SPPL3: variants seen among roughly 807,000 people sequenced by gnomAD.
SPPL3 encodes signal peptide peptidase-like 3.
SPPL3 carries 5 observed loss-of-function variants against 42.4 expected under a neutral mutation model. The observed-to-expected ratio is 0.12, with a 90% confidence interval of 0.06 to 0.25. The LOEUF (loss-of-function observed/expected upper bound fraction) is 0.25. Among genes scored for constraint, SPPL3 ranks in the 10% least tolerant of loss-of-function variants. The pLI is 1.00. For missense variants in SPPL3, 235 were observed against 489.0 expected, an observed-to-expected ratio of 0.48 and a Z score of 4.90; for synonymous variants, 195 against 181.8, an observed-to-expected ratio of 1.07 and a Z score of -0.58.
In SPPL3 at chr12:120,774,818, C is replaced by T. The variant is rs56339118; in HGVS notation, c.503-5759G>A. ...GGGAGGTGCTCTCTTTCCCTTGCGG[C>T]TTTAGACACTCCTGAGACTCTCTCT... On this transcript the variant is annotated intron_variant, in intron 6 of 10. Transcript: ENST00000353487. Among the ~76,000 whole-genome samples, 987 of 152,204 alleles carry T rather than the reference C, an allele frequency of 6.5e-3. 7 individuals are homozygous for T. The highest frequency in any genetic ancestry group is 0.012 in the Admixed American group (190 of 15,274).
At chr12:120,781,803 TG>T (rs1366403530) in intron 6 of SPPL3, among the ~76,000 whole-genome samples, 1 of 151,812 alleles carries the variant, frequency 6.6e-6, no homozygotes, top group Non-Finnish European at 1.5e-5. Flanking sequence ...TTAGCCAGGA[TG>T]GTCTTGATCT....
intron 2 of SPPL3, among the ~76,000 whole-genome samples, chr12:120,797,015 C>A (rs1438938224): frequency 6.6e-6 from 1 of 152,056 alleles, no homozygotes; most frequent in Non-Finnish European, 1.5e-5. Context: ...ACCAAAAATA[C>A]AAAAATTAGC....
At chr12:120,771,014 CTT>C (rs1292813686) in intron 6 of SPPL3, among the ~76,000 whole-genome samples, 1 of 152,094 alleles carries the variant, frequency 6.6e-6, no homozygotes, top group Non-Finnish European at 1.5e-5. Flanking sequence ...ACCCGTCTCT[CTT>C]TTACACCCTG....
At chr12:120,808,339 G>A (rs985670080) in intron 2 of SPPL3, among the ~76,000 whole-genome samples, 2 of 152,118 alleles carry the variant, frequency 1.3e-5, no homozygotes, top group African/African-American at 4.8e-5. Flanking sequence ...GCCTCCCAAA[G>A]TGCTGGGATT....
chr12:120,788,021 T>A (rs542706116), intron 3 of SPPL3, among the ~76,000 whole-genome samples: 4 of 152,308 alleles, frequency 2.6e-5, no homozygotes, highest in South Asian at 4.1e-4. Context: ...GCTGGATATA[T>A]AACTAGGAGT....
chr12:120,826,653 TAAG>T (rs1871239362), intron 1 of SPPL3, among the ~76,000 whole-genome samples: 1 of 152,144 alleles, frequency 6.6e-6, no homozygotes, highest in African/African-American at 2.4e-5. Context: ...GCCTTAGCAA[TAAG>T]AAGAATATTT....
At chr12:120,880,028 G>A (rs1420918356) in intron 1 of SPPL3, among the ~76,000 whole-genome samples, 1 of 138,118 alleles carries the variant, frequency 7.2e-6, no homozygotes, top group Non-Finnish European at 1.6e-5. Flanking sequence ...AATCCTACTT[G>A]ATTTTCTTTT....
chr12:120,782,714 G>C lies in SPPL3; in HGVS notation c.443C>G (p.Ser148Cys), dbSNP rs1312858684. Reference protein sequence around the residue: ...RFTAAELLSFSLSVMLVLIWV... With the variant: ...RFTAAELLSFCLSVMLVLIWV... The stretch of plus-strand genomic sequence containing the variant: ...GATGAGGACGAGCATGACAGACAGA[G>C]AGAATGACAGCAACTCAGCAGCAGT... Residue 148 changes from serine (S) to cysteine (C), a missense_variant, in exon 6 of 11, where the codon TCT (serine) becomes TGT (cysteine). Physicochemically the swap from Ser to Cys is moderately radical, Grantham distance 112. Transcript: ENST00000353487. 3.1e-6 allele frequency: 5 copies of C among 1,611,126 alleles called. No individual in the cohort carries two copies. Among genetic ancestry groups the C allele is most frequent in the Middle Eastern group, 1.6e-4 (1 of 6,080 alleles).
In SPPL3 at chr12:120,763,818, T is replaced by TTTTG. The variant is rs1408151282; in HGVS notation, c.*1180_*1181insCAAA. ...TGTGTTGCTTTTTTCCTTTTTTTTT[T>TTTTG]TCTTAAAGGAGTGAGGGCATGGAAA... On this transcript the variant is annotated 3_prime_UTR_variant, in exon 11 of 11. Transcript: ENST00000353487. 1 of 150,878 alleles carries TTTTG rather than the reference T, an allele frequency of 6.6e-6. No individual in the cohort carries two copies. Among genetic ancestry groups the TTTTG allele is most frequent in the Non-Finnish European group, 1.5e-5 (1 of 67,636 alleles). 9.3% of individuals were successfully genotyped at this position (150,878 alleles called of 1,614,324 possible).
intron 1 of SPPL3, among the ~76,000 whole-genome samples, chr12:120,819,410 AG>A (rs1271913311): frequency 1.3e-5 from 2 of 152,186 alleles, no homozygotes; most frequent in Non-Finnish European, 2.9e-5. Context: ...TCATATTGTT[AG>A]TACCATTCTT....
intron 1 of SPPL3, among the ~76,000 whole-genome samples, chr12:120,855,704 A>AG (rs1566061835): frequency 6.9e-6 from 1 of 145,456 alleles, no homozygotes; most frequent in Non-Finnish European, 1.5e-5. Context: ...CAAAAAAAAA[A>AG]AAGAAAAGAA....
At chr12:120,875,708 A>G (rs1461309615) in intron 1 of SPPL3, among the ~76,000 whole-genome samples, 3 of 149,548 alleles carry the variant, frequency 2.0e-5, no homozygotes. Context: ...AGGAGAAAAA[A>G]GATGAAAAAT....
Position 120,768,545 on chromosome 12 carries a change from C to T in SPPL3, c.610-57G>A, listed in dbSNP as rs1868990749. The T allele has an allele frequency of 3.2e-6, 5 of 1,546,964 alleles. No individual in the cohort carries two copies. In the South Asian group the frequency reaches 6.0e-5, roughly 18 times the overall value. The stretch of plus-strand genomic sequence containing the variant: ...GGAGTTGGAAGCAACCTGCTTTCAG[C>T]ATCAGCCCTCCTTGCTCTTAAGAGC... On this transcript the variant is annotated intron_variant, in intron 7 of 10. Transcript: ENST00000353487.
intron 10 of SPPL3, among the ~76,000 whole-genome samples, chr12:120,765,373 C>CGACTCCTG (rs1868847902): frequency 6.6e-6 from 1 of 151,978 alleles, no homozygotes; most frequent in Non-Finnish European, 1.5e-5. Flanking sequence ...CTGCAACCTC[C>CGACTCCTG]GACTCCTGGG....
intron 1 of SPPL3, among the ~76,000 whole-genome samples, chr12:120,891,514 A>C (rs1873639323): frequency 6.6e-6 from 1 of 152,176 alleles, no homozygotes; most frequent in African/African-American, 2.4e-5. Context: ...GGAGAAAAAA[A>C]CGGCAAAATA....
chr12:120,852,736 T>C (rs1872280591), intron 1 of SPPL3, among the ~76,000 whole-genome samples: 6 of 29,654 alleles, frequency 2.0e-4, no homozygotes, highest in Admixed American at 6.8e-4. Flanking sequence ...ATAATATACA[T>C]ATAATATATT....
At chr12:120,818,075 T>G (rs1870939643) in intron 1 of SPPL3, among the ~76,000 whole-genome samples, 1 of 152,174 alleles carries the variant, frequency 6.6e-6, no homozygotes, top group African/African-American at 2.4e-5. Context: ...CATTTCAGAC[T>G]CTACCAAAGC....
At chr12:120,803,059 T>C (rs11065270) in intron 2 of SPPL3, among the ~76,000 whole-genome samples, 20,319 of 152,190 alleles carry the variant, frequency 0.13, 2,155 homozygotes, top group African/African-American at 0.3. Flanking sequence ...GATAAAAGTC[T>C]GTCTGATCTT....
rs1238235734 is a variant in SPPL3, at chr12:120,764,857, C to CT, written c.*141dup. 4.4e-6 allele frequency: 4 copies of CT among 899,940 alleles called. No homozygotes were observed. Among genetic ancestry groups the CT allele is most frequent in the Non-Finnish European group, 6.5e-6 (4 of 611,862 alleles). The allele number at this position is 899,940 out of a possible 1,614,324, so 55.7% of individuals were successfully genotyped here. A position where few individuals can be genotyped will look rare whatever the true frequency, so the allele number is the denominator to read the frequency against. On this transcript the variant is annotated 3_prime_UTR_variant, in exon 11 of 11. Transcript: ENST00000353487. The stretch of plus-strand genomic sequence containing the variant: ...CACCTCTCTCCTGCAAACGAGCTCC[C>CT]TTTAAATGCCAAATCCAGTCACACG...
Sources: gnomAD v4.1 joint callset for allele counts (sites outside exome capture counted in the v4.1 genomes callset) on GRCh38, gnomAD v4.1.1 for gene constraint, MANE v1.5 for transcripts, NCBI Gene and HGNC (gene_info 2026-07-23, HGNC 2026-07-21) for gene names.